Variants in CD5 observed in about 807,000 individuals in gnomAD.
CD5 encodes the protein CD5 molecule, also known as T-cell surface glycoprotein CD5.
A neutral mutation model predicts 60.3 loss-of-function variants in CD5; 36 were observed. That is an observed-to-expected ratio of 0.60 (90% CI 0.46 to 0.79). CD5 has a LOEUF of 0.79. Ranked by LOEUF, CD5 falls within the 30% of genes least tolerant of loss-of-function variation. The pLI, the probability that CD5 is intolerant of heterozygous loss-of-function variation, is 0.00. For missense variants in CD5, 540 were observed against 630.6 expected (o/e 0.86, Z 1.54); for synonymous variants, 230 against 257.6 (o/e 0.89, Z 1.03).
At chr11:61,120,723 C>T (rs983548182) in intron 5 of CD5, among the ~76,000 whole-genome samples, 29 of 152,122 alleles carry the variant, frequency 1.9e-4, no homozygotes, top group Admixed American at 1.9e-3. Flanking sequence ...ACGCTGGGTA[C>T]CTGGTGTAAA....
At chr11:61,099,794 A>G (rs542313887), upstream of CD5, among the ~76,000 whole-genome samples, 2 of 151,380 alleles carry the variant, frequency 1.3e-5, no homozygotes, top group Non-Finnish European at 2.9e-5. Context: ...ACACACATAT[A>G]TCAAATGGGG....
At position 61,119,264 on chromosome 11, in the gene CD5, C is replaced by T; in HGVS notation, c.494C>T (p.Ser165Phe). The T allele has an allele frequency of 6.2e-7, 1 of 1,610,958 alleles. No individual in the cohort carries two copies. The highest frequency in any genetic ancestry group is 8.5e-7 in the Non-Finnish European group (1 of 1,178,486). Residue 165 changes from serine to phenylalanine, a missense_variant, in exon 5 of 11, where the codon TCT becomes TTT. By Grantham distance (155) the Ser-to-Phe change is radical (BLOSUM62 -2). Coordinates refer to ENST00000347785, the MANE Select transcript of CD5 (RefSeq NM_014207.4). The stretch of plus-strand genomic sequence containing the variant: ...CCCAGGCTGCAGCTGGTGGCACAGT[C>T]TGGCGGCCAGCACTGTGCCGGCGTG... ...APPRLQLVAQSGGQHCAGVVE... is the reference protein window; with the variant it reads ...APPRLQLVAQFGGQHCAGVVE...
chr11:61,125,825 G>T lies in CD5; in HGVS notation c.1474G>T (p.Ala492Ser). 6.2e-7 allele frequency: 1 copy of T among 1,609,740 alleles called. No homozygotes were observed. The highest frequency in any genetic ancestry group is 8.5e-7 in the Non-Finnish European group (1 of 1,177,402). The change falls in exon 10 of 11, where the codon GCT becomes TCT. Residue 492 changes from alanine (A) to serine (S), a missense_variant. Coordinates refer to ENST00000347785, the MANE Select transcript of CD5 (RefSeq NM_014207.4). ...SSDSDYDLHG[A>S]QRL is the part of the protein sequence containing the mutation. ...CGACAGTGACTATGATCTGCATGGG[G>T]CTCAGAGGCTGTAAAGGTGAGCCCG...
chr11:61,120,495 C>A (rs1269852838), intron 5 of CD5, among the ~76,000 whole-genome samples: 1 of 152,124 alleles, frequency 6.6e-6, no homozygotes, highest in East Asian at 1.9e-4. Flanking sequence ...GGAGCACTTG[C>A]TGGGATTTCT....
upstream of CD5, among the ~76,000 whole-genome samples, chr11:61,097,955 T>C (rs1303375808): frequency 2.0e-5 from 3 of 152,218 alleles, no homozygotes; most frequent in Admixed American, 6.5e-5. Flanking sequence ...ATAGATTGGC[T>C]CTCGACTACT....
Position 61,118,499 on chromosome 11 carries a change from A to C in CD5, c.400+19A>C, listed in dbSNP as rs770853315. On this transcript the variant is annotated intron_variant, in intron 3 of 10. Transcript: ENST00000347785. This position sits in a 1 kb window ranked among gnomAD's most constrained non-coding sequence, Gnocchi z 4.7. ...TGCTTAGGTGGGTAACTAGCCAGCC[A>C]CACGGGCACCCTGGGCCTGGGCGCC... 1 of 1,608,296 alleles carries C rather than the reference A, an allele frequency of 6.2e-7. No individual in the cohort carries two copies. Among genetic ancestry groups the C allele is most frequent in the Non-Finnish European group, 8.5e-7 (1 of 1,176,112 alleles).
rs144361212 is a variant in CD5, at chr11:61,118,311, G to A, written c.231G>A (p.Ala77=). The A allele has an allele frequency of 1.1e-4, 185 of 1,614,218 alleles. 1 individual carries two copies. Among genetic ancestry groups the A allele is most frequent in the South Asian group, 6.6e-4 (60 of 91,092 alleles). Residue 77 remains alanine, a synonymous_variant, in exon 3 of 11, where the codon GCG becomes GCA. Transcript: ENST00000347785. This position sits in a 1 kb window ranked among gnomAD's most constrained non-coding sequence, Gnocchi z 4.7. ...AGCAGTGGGAGGACCCCAGTCAAGC[G>A]TCAAAAGTCTGCCAGCGGCTGAACT... ...SSKQWEDPSQ[A]SKVCQRLNCG... is the part of the protein sequence containing the mutation.
intron 1 of CD5, among the ~76,000 whole-genome samples, chr11:61,114,824 T>C (rs1484951342): frequency 2.0e-5 from 3 of 152,060 alleles, no homozygotes; most frequent in Non-Finnish European, 4.4e-5. Context: ...CTGTTCATTT[T>C]AAAAGTAACG....
chr11:61,098,855 T>C (rs1860618208), upstream of CD5, among the ~76,000 whole-genome samples: 2 of 152,182 alleles, frequency 1.3e-5, no homozygotes, highest in South Asian at 4.1e-4. Context: ...CTAAGTGGAA[T>C]CTAAGTGGAG....
chr11:61,109,406 G>A (rs1014881973), intron 1 of CD5, among the ~76,000 whole-genome samples: 3 of 152,192 alleles, frequency 2.0e-5, no homozygotes, highest in Admixed American at 6.5e-5. Context: ...AAGGGCCACC[G>A]CCACTGCCTG....
rs1459902869 is a variant in CD5 at position 61,119,335 on chromosome 11, G to T, written c.565G>T (p.Ala189Ser). The change falls in exon 5 of 11, where the codon GCC (alanine) becomes TCC (serine). Residue 189 changes from alanine (A) to serine (S), a missense_variant. By Grantham distance (99) the Ala-to-Ser change is moderately conservative. Coordinates refer to ENST00000347785, the MANE Select transcript of CD5 (RefSeq NM_014207.4). ...GSLGGTISYE[A>S]QDKTQDLENF... Reference sequence around the variant, plus strand: ...CCTGGGGGGTACCATCAGCTATGAGGCCCAGGACAAGACCCAGGACCTGGA... The same window carrying T: ...CCTGGGGGGTACCATCAGCTATGAGTCCCAGGACAAGACCCAGGACCTGGA... The T allele has an allele frequency of 1.2e-6, 2 of 1,614,088 alleles. No individual in the cohort carries two copies. Among genetic ancestry groups the T allele is most frequent in the South Asian group, 2.2e-5 (2 of 91,082 alleles).
rs17155684 is a variant in CD5 at position 61,121,570 on chromosome 11, T to G, written c.806-41T>G. On this transcript the variant is annotated intron_variant, in intron 5 of 10. Transcript: ENST00000347785. ...CCAGGAAGCAGCACACAGGCTCAGGTTCACACTTGCACCCTCCTTTCCCAT... is the reference window on the plus strand; with the variant it reads ...CCAGGAAGCAGCACACAGGCTCAGGGTCACACTTGCACCCTCCTTTCCCAT... The G allele has an allele frequency of 0.011, 14,756 of 1,400,666 alleles. 1,315 individuals carry two copies. In the African/African-American group the frequency reaches 0.19, roughly 18 times the overall value. The allele number at this position is 1,400,666 out of a possible 1,614,324, so 86.8% of individuals were successfully genotyped here.
Position 61,112,643 on chromosome 11 carries a change from C to CAA in CD5, c.56-2404_56-2403dup, listed in dbSNP as rs34756129. Among the ~76,000 whole-genome samples, 115 of 148,826 alleles carry CAA rather than the reference C, an allele frequency of 7.7e-4. 1 individual carries two copies. The highest frequency in any genetic ancestry group is 1.3e-3 in the Non-Finnish European group (90 of 66,976). ...TGGGCAAGAGAGGAAGACTCTGTTTCAAAAAAAAAAGAAAAAATTGATCAG... is the reference window on the plus strand; with the variant it reads ...TGGGCAAGAGAGGAAGACTCTGTTTCAAAAAAAAAAAAGAAAAAATTGATCAG... On this transcript the variant is annotated intron_variant, in intron 1 of 10. Transcript: ENST00000347785.
intron 4 of CD5, 93 bp from the exon 5 acceptor site, chr11:61,119,141 T>A: frequency 7.8e-7 from 1 of 1,280,400 alleles, no homozygotes; most frequent in Non-Finnish European, 1.1e-6. Flanking sequence ...CGTTAGTCAG[T>A]AGTTGTCCAC....
chr11:61,099,865 C>A (rs1345976795), upstream of CD5, among the ~76,000 whole-genome samples: 3 of 151,306 alleles, frequency 2.0e-5, no homozygotes, highest in African/African-American at 7.3e-5. Flanking sequence ...TCACACATGT[C>A]AACATGGAGA....
intron 6 of CD5, 142 bp from the exon 7 acceptor site, chr11:61,122,765 A>G: frequency 2.3e-6 from 2 of 880,574 alleles, no homozygotes; most frequent in Non-Finnish European, 3.4e-6. Context: ...GGATAGCCAA[A>G]TAGATCATTG....
At position 61,121,884 on chromosome 11, in the gene CD5, G is replaced by C; in HGVS notation, c.1079G>C (p.Cys360Ser). 6.5e-7 allele frequency: 1 copy of C among 1,549,304 alleles called. No homozygotes were observed. The highest frequency in any genetic ancestry group is 8.8e-7 in the Non-Finnish European group (1 of 1,139,884). Reference protein sequence around the residue: ...CHELWERNSYCKKVFVTCQDP... With the variant: ...CHELWERNSYSKKVFVTCQDP... ...GAACTTTGGGAGAGAAATTCCTACT[G>C]CAAGAAGGTGTTTGTCACATGTGAG... Residue 360 changes from cysteine (C) to serine (S), a missense_variant, in exon 6 of 11, where the codon TGC (cysteine) becomes TCC (serine). Physicochemically the swap from Cys to Ser is moderately radical, Grantham distance 112. Coordinates refer to ENST00000347785, the MANE Select transcript of CD5 (RefSeq NM_014207.4).
chr11:61,123,854 T>A, intron 7 of CD5, 30 bp from the exon 8 acceptor site: 2 of 860,592 alleles, frequency 2.3e-6, no homozygotes, highest in Non-Finnish European at 3.0e-6. Context: ...CCCCCACCAC[T>A]CTGATGTGCC....
rs1182751303 is a variant in CD5, at chr11:61,118,269, C to T, written c.189C>T (p.Ser63=). The T allele has an allele frequency of 4.3e-6, 7 of 1,614,260 alleles. No homozygotes were observed. Among genetic ancestry groups the T allele is most frequent in the Admixed American group, 1.7e-5 (1 of 60,032 alleles). Residue 63 remains serine (S), a synonymous_variant, in exon 3 of 11, where the codon AGC becomes AGT. Coordinates refer to ENST00000347785, the MANE Select transcript of CD5 (RefSeq NM_014207.4). This position sits in a 1 kb window ranked among gnomAD's most constrained non-coding sequence, Gnocchi z 4.7. ...KDGWHMVCSQ[S]WGRSSKQWED... ...GATGGCACATGGTTTGCAGCCAGAG[C>T]TGGGGCCGGAGCTCCAAGCAGTGGG... is the stretch of plus-strand genomic sequence containing the variant.
Sources: gnomAD v4.1 joint callset for allele counts (sites outside exome capture counted in the v4.1 genomes callset) on GRCh38, gnomAD v4.1.1 for gene constraint, Gnocchi (gnomAD v3.1) non-coding constraint, MANE v1.5 for transcripts, NCBI Gene and HGNC (gene_info 2026-07-23, HGNC 2026-07-21) for gene names.